Variants in NXNL2 observed in about 807,000 individuals in gnomAD.
The protein encoded by NXNL2 is nucleoredoxin like 2.
Under a neutral mutation model 11.1 loss-of-function variants are expected in NXNL2, and 7 were observed. The ratio of observed to expected loss-of-function variants is 0.63; its 90% CI spans 0.36 to 1.18. The LOEUF is 1.18. NXNL2 is among the 50% of genes most tolerant of loss of function. The probability of loss-of-function intolerance (pLI) is 0.02; values close to 1 mark genes in which losing one functional copy is unlikely to be tolerated. For synonymous variants in NXNL2, 109 were observed against 101.8 expected (o/e 1.07, Z -0.42); for missense variants, 233 against 217.7 (o/e 1.07, Z -0.44).
intron 1 of NXNL2, among the ~76,000 whole-genome samples, chr9:88,570,747 T>C (rs1186656977): frequency 6.6e-6 from 1 of 152,138 alleles, no homozygotes; most frequent in Non-Finnish European, 1.5e-5. Flanking sequence ...GGTTTTTGTT[T>C]TGTTTTGTTT....
rs62000369 is a variant in NXNL2 at position 88,544,477 on chromosome 9, G to A, written c.401G>A (p.Arg134Gln). The A allele has an allele frequency of 3.6e-3, 5,551 of 1,551,622 alleles. 189 individuals carry two copies. The African/African-American group carries it at 0.069, about 19-fold the overall frequency. ...VITNKGRKQIRERGLACFQDW... is the reference protein window; with the variant it reads ...VITNKGRKQIQERGLACFQDW... ...ACCAACAAAGGGCGGAAGCAGATCC[G>A]GGAACGGGGGTTGGCCTGCTTCCAG... The change falls in exon 2 of 2, where the codon CGG becomes CAG. Residue 134 changes from arginine to glutamine, a missense_variant. Coordinates refer to ENST00000375854, the MANE Select transcript of NXNL2 (RefSeq NM_001161625.2).
At chr9:88,541,000 C>T (rs908786894) in intron 1 of NXNL2, among the ~76,000 whole-genome samples, 3 of 128,468 alleles carry the variant, frequency 2.3e-5, no homozygotes, top group East Asian at 2.3e-4. Context: ...GGCTGGAGTG[C>T]AGTGGTGTGG....
At chr9:88,562,858 G>C (rs887036748) in intron 1 of NXNL2, among the ~76,000 whole-genome samples, 1 of 151,918 alleles carries the variant, frequency 6.6e-6, no homozygotes, top group Non-Finnish European at 1.5e-5. Context: ...GGGAGGCCAA[G>C]GCAGGTGGAT....
intron 1 of NXNL2, among the ~76,000 whole-genome samples, chr9:88,570,031 G>A (rs936678970): frequency 1.3e-5 from 2 of 151,990 alleles, no homozygotes; most frequent in African/African-American, 2.4e-5. Flanking sequence ...ACCCACCTGC[G>A]TAGTTTGCAG....
chr9:88,574,727 G>A (rs933841840), intron 2 of NXNL2, among the ~76,000 whole-genome samples: 5 of 152,188 alleles, frequency 3.3e-5, no homozygotes, highest in African/African-American at 1.2e-4. Context: ...TTAGGAAGAG[G>A]ATTTTTAGCT....
downstream of NXNL2, among the ~76,000 whole-genome samples, chr9:88,578,431 G>C (rs1830371454): frequency 6.6e-6 from 1 of 152,246 alleles, no homozygotes; most frequent in African/African-American, 2.4e-5. Context: ...GGTATCTACT[G>C]ATCTGGCTTC....
intron 1 of NXNL2, among the ~76,000 whole-genome samples, chr9:88,537,298 A>T (rs1239825770): frequency 6.6e-6 from 1 of 151,882 alleles, no homozygotes. Flanking sequence ...TTCCTCACTG[A>T]GGGGGTGGTG....
chr9:88,535,841 A>G (rs1367185084), intron 1 of NXNL2, 105 bp downstream of exon 1: 4 of 759,338 alleles, frequency 5.3e-6, no homozygotes, highest in Non-Finnish European at 7.6e-6. Context: ...GCCCCCCCCC[A>G]ACACCTCCCC....
chr9:88,535,886 C>G, intron 1 of NXNL2, 150 bp downstream of exon 1: 1 of 663,416 alleles, frequency 1.5e-6, no homozygotes, highest in South Asian at 2.0e-5. Flanking sequence ...CGGTAAATCA[C>G]ACTCAGTCTC....
At chr9:88,548,878 C>A (rs1249195473), downstream of NXNL2, among the ~76,000 whole-genome samples, 2 of 151,916 alleles carry the variant, frequency 1.3e-5, no homozygotes, top group African/African-American at 4.8e-5. Flanking sequence ...GGGGTGGAGC[C>A]CTCATAAATG....
rs761385350 is a variant in NXNL2, at chr9:88,535,755, G to GGGGCGGGGGCC, written c.302+21_302+31dup. 3 of 1,528,900 alleles carry GGGGCGGGGGCC rather than the reference G, an allele frequency of 2.0e-6. No homozygotes were observed. The highest frequency in any genetic ancestry group is 4.1e-5 in the Admixed American group (2 of 49,164). 94.7% of individuals were successfully genotyped at this position (1,528,900 alleles called of 1,614,324 possible). A position where few individuals can be genotyped will look rare whatever the true frequency, so the allele number is the denominator to read the frequency against. On this transcript the variant is annotated intron_variant, in intron 1 of 1. Transcript: ENST00000375854. ...ACCGGCAGTGAGTGGGGGTCCTGGG[G>GGGGCGGGGGCC]GGGCGGGGGCCGCCCGGCACGTCTC... is the stretch of plus-strand genomic sequence containing the variant.
downstream of NXNL2, among the ~76,000 whole-genome samples, chr9:88,548,837 G>C (rs1340514193): frequency 2.0e-5 from 3 of 152,168 alleles, no homozygotes; most frequent in African/African-American, 7.2e-5. Flanking sequence ...TAGGAGGTGG[G>C]GCCTTTGGGA....
downstream of NXNL2, among the ~76,000 whole-genome samples, chr9:88,577,587 C>T (rs1185566626): frequency 6.6e-6 from 1 of 151,526 alleles, no homozygotes; most frequent in Non-Finnish European, 1.5e-5. Context: ...ACTGTGTCCT[C>T]ACATGGCCTT....
intron 1 of NXNL2, among the ~76,000 whole-genome samples, chr9:88,550,660 G>A (rs960963936): frequency 7.9e-5 from 12 of 152,206 alleles, no homozygotes; most frequent in African/African-American, 2.7e-4. Flanking sequence ...TCAGCAGAAA[G>A]GAATCTTGAG....
chr9:88,578,937 G>A (rs1461311315), downstream of NXNL2, among the ~76,000 whole-genome samples: 6 of 152,170 alleles, frequency 3.9e-5, no homozygotes, highest in African/African-American at 7.2e-5. Context: ...GCTGGTGGGC[G>A]GCCTACATCT....
At chr9:88,540,054 C>T (rs771734838) in intron 1 of NXNL2, among the ~76,000 whole-genome samples, 19 of 150,678 alleles carry the variant, frequency 1.3e-4, no homozygotes, top group Non-Finnish European at 2.2e-4. Flanking sequence ...GTTGTGCGGC[C>T]GGGCGTGGTG....
intron 1 of NXNL2, among the ~76,000 whole-genome samples, chr9:88,568,165 A>G (rs76067465): frequency 0.033 from 5,009 of 152,296 alleles, 298 homozygotes; most frequent in African/African-American, 0.11. Flanking sequence ...CACTGCAGCC[A>G]CAGGCACATG....
intron 1 of NXNL2, among the ~76,000 whole-genome samples, chr9:88,543,273 T>A (rs1001379311): frequency 2.0e-4 from 28 of 140,368 alleles, no homozygotes; most frequent in African/African-American, 7.0e-4. Flanking sequence ...ATTTTAACTT[T>A]TTTTTTTTTT....
rs17852066 is a variant in NXNL2, at chr9:88,535,661, C to T, written c.227C>T (p.Ser76Phe). The T allele has an allele frequency of 4.4e-6, 7 of 1,607,920 alleles. No individual in the cohort carries two copies. The highest frequency in any genetic ancestry group is 1.7e-4 in the Middle Eastern group (1 of 5,946). The stretch of plus-strand genomic sequence containing the variant: ...GTCTTCGTGTCAGCCGACGGCAGCT[C>T]CCAGGAGATGCTGGACTTCATGCGC... ...EVVFVSADGS[S>F]QEMLDFMREL... The change falls in exon 1 of 2, where the codon TCC (serine) becomes TTC (phenylalanine). Residue 76 changes from serine (S) to phenylalanine (F), a missense_variant. Physicochemically the swap from Ser to Phe is radical, Grantham distance 155. Transcript: ENST00000375854.
Sources: gnomAD v4.1 joint callset for allele counts (sites outside exome capture counted in the v4.1 genomes callset) on GRCh38, gnomAD v4.1.1 for gene constraint, MANE v1.5 for transcripts, NCBI Gene and HGNC (gene_info 2026-07-23, HGNC 2026-07-21) for gene names.